Variants in SCHIP1 observed in about 807,000 individuals in gnomAD.
SCHIP1 encodes schwannomin interacting protein 1.
In SCHIP1, 8 loss-of-function variants were observed where a neutral mutation model predicts 29.7. That is an observed-to-expected ratio of 0.27 (90% CI 0.16 to 0.49). SCHIP1 has a LOEUF of 0.49. SCHIP1 is among the 20% of genes least tolerant of loss of function. The probability of loss-of-function intolerance (pLI) is 0.99; values close to 1 mark genes in which losing one functional copy is unlikely to be tolerated. For synonymous variants in SCHIP1, 76 were observed against 94.9 expected, an observed-to-expected ratio of 0.80 and a Z score of 1.16; for missense variants, 193 against 294.6, an observed-to-expected ratio of 0.66 and a Z score of 2.52.
the SCHIP1 span, among the ~76,000 whole-genome samples, chr3:159,668,376 C>CAAAAAAAAAAAAAAAAAAAAA: frequency 1.2e-3 from 56 of 46,400 alleles, 3 homozygotes; most frequent in African/African-American, 5.2e-3. Flanking sequence ...GACTCCGTCT[C>CAAAAAAAAAAAAAAAAAAAAA]AAAAAAAAAA....
At chr3:159,595,255 A>G in the SCHIP1 span, among the ~76,000 whole-genome samples, 5,863 of 152,242 alleles carry the variant, frequency 0.039, 276 homozygotes, top group East Asian at 0.17. Flanking sequence ...ACAGGTATCT[A>G]TAGCTATCAA....
chr3:159,663,569 AT>A, the SCHIP1 span, among the ~76,000 whole-genome samples: 1 of 152,322 alleles, frequency 6.6e-6, no homozygotes, highest in African/African-American at 2.4e-5. Flanking sequence ...AAATGGGGAT[AT>A]TAACAGTACC....
the SCHIP1 span, among the ~76,000 whole-genome samples, chr3:159,471,753 T>C: frequency 6.6e-6 from 1 of 152,188 alleles, no homozygotes; most frequent in Non-Finnish European, 1.5e-5. Context: ...TCACCAGCCA[T>C]AAAGAAGTAA....
the SCHIP1 span, among the ~76,000 whole-genome samples, chr3:159,485,501 A>G: frequency 6.6e-6 from 1 of 152,208 alleles, no homozygotes; most frequent in Non-Finnish European, 1.5e-5. Flanking sequence ...ATATTGGGCC[A>G]TCTCTTAGCA....
At chr3:159,607,324 G>T in the SCHIP1 span, among the ~76,000 whole-genome samples, 1 of 151,962 alleles carries the variant, frequency 6.6e-6, no homozygotes, top group African/African-American at 2.4e-5. Context: ...TAACAATCTG[G>T]CAGAATTTTT....
At chr3:159,843,030 G>T (rs1421942484) in intron 1 of SCHIP1, among the ~76,000 whole-genome samples, 3 of 15,910 alleles carry the variant, frequency 1.9e-4, no homozygotes, top group Admixed American at 8.3e-4. Context: ...TTTTTTTTTT[G>T]AGATGGAGTC....
the SCHIP1 span, among the ~76,000 whole-genome samples, chr3:159,541,010 C>T: frequency 2.0e-5 from 3 of 152,042 alleles, no homozygotes; most frequent in East Asian, 5.8e-4. Flanking sequence ...TGACACATTG[C>T]TTTGATAAAA....
At chr3:159,814,532 G>A in the SCHIP1 span, among the ~76,000 whole-genome samples, 1 of 152,368 alleles carries the variant, frequency 6.6e-6, no homozygotes, top group African/African-American at 2.4e-5. Context: ...CAAAAGAAAA[G>A]GGCAATGGTG....
chr3:159,546,730 T>C, the SCHIP1 span, among the ~76,000 whole-genome samples: 3 of 152,206 alleles, frequency 2.0e-5, no homozygotes, highest in African/African-American at 7.2e-5. Context: ...GCTTCATCCA[T>C]GTTCCTTCAA....
At chr3:159,468,743 T>C in the SCHIP1 span, among the ~76,000 whole-genome samples, 2 of 122,156 alleles carry the variant, frequency 1.6e-5, no homozygotes, top group Non-Finnish European at 3.7e-5. Context: ...ATATAATATA[T>C]AATATATAAT....
chr3:159,391,641 C>A, the SCHIP1 span, among the ~76,000 whole-genome samples: 1 of 152,182 alleles, frequency 6.6e-6, no homozygotes, highest in East Asian at 1.9e-4. Context: ...TTTATTGAAT[C>A]AATGAGCACA....
At chr3:159,568,550 A>G in the SCHIP1 span, among the ~76,000 whole-genome samples, 1 of 152,078 alleles carries the variant, frequency 6.6e-6, no homozygotes, top group East Asian at 1.9e-4. Context: ...TACTTCCTAA[A>G]TTTATCAAGA....
At chr3:159,408,100 C>A in the SCHIP1 span, among the ~76,000 whole-genome samples, 1 of 151,994 alleles carries the variant, frequency 6.6e-6, no homozygotes, top group Non-Finnish European at 1.5e-5. Context: ...AGATCGAGAC[C>A]ATCCTGGCTA....
chr3:159,463,741 GATAT>G, the SCHIP1 span, among the ~76,000 whole-genome samples: 1 of 149,438 alleles, frequency 6.7e-6, no homozygotes, highest in Admixed American at 6.7e-5. Context: ...AACAGAATGA[GATAT>G]ATATATATAT....
At chr3:159,562,549 T>G in the SCHIP1 span, among the ~76,000 whole-genome samples, 2 of 152,228 alleles carry the variant, frequency 1.3e-5, no homozygotes, top group Admixed American at 1.3e-4. Context: ...TTCTGGTTTC[T>G]GTGGCACAAT....
At chr3:159,865,815 T>G (rs577948456) in intron 1 of SCHIP1, among the ~76,000 whole-genome samples, 9 of 152,334 alleles carry the variant, frequency 5.9e-5, no homozygotes, top group African/African-American at 2.2e-4. Flanking sequence ...CAAAGTGATT[T>G]GATTCAGGAG....
chr3:159,485,842 T>C, the SCHIP1 span, among the ~76,000 whole-genome samples: 1 of 152,188 alleles, frequency 6.6e-6, no homozygotes, highest in Non-Finnish European at 1.5e-5. Context: ...TAACACACTA[T>C]GTAGATATTA....
exon 7 of SCHIP1, chr3:159,897,141 T>C (rs946137575): frequency 4.3e-5 from 7 of 164,566 alleles, no homozygotes; most frequent in Admixed American, 1.2e-4. Flanking sequence ...AGAAGAACTG[T>C]AAATGACGGT....
the SCHIP1 span, among the ~76,000 whole-genome samples, chr3:159,608,830 C>T: frequency 2.0e-5 from 3 of 152,128 alleles, no homozygotes; most frequent in Non-Finnish European, 4.4e-5. Flanking sequence ...AGCTGGTGTC[C>T]TAAACAAGCC....
Sources: allele counts gnomAD v4.1 joint callset (sites outside exome capture counted in the v4.1 genomes callset), GRCh38; gene constraint gnomAD v4.1.1; transcripts MANE v1.5; gene names NCBI Gene and HGNC (gene_info 2026-07-23, HGNC 2026-07-21).